ADAMTSL3: variants seen among roughly 807,000 people sequenced by gnomAD.
ADAMTSL3 encodes the protein ADAMTS-like protein 3.
A neutral mutation model predicts 201.7 loss-of-function variants in ADAMTSL3; 128 were observed. That is an observed-to-expected ratio of 0.63 (90% CI 0.55 to 0.73). The LOEUF is 0.73. Ranked by LOEUF, ADAMTSL3 falls within the 30% of genes least tolerant of loss-of-function variation. ADAMTSL3 has a pLI of 0.00. For synonymous variants in ADAMTSL3, 738 were observed against 748.4 expected (o/e 0.99, Z 0.23); for missense variants, 1,990 against 2,119.6 (o/e 0.94, Z 1.20).
Position 83,982,767 on chromosome 15 carries a change from G to A in ADAMTSL3, c.3139G>A (p.Asp1047Asn), listed in dbSNP as rs1043147385. 6 of 1,614,070 alleles carry A rather than the reference G, an allele frequency of 3.7e-6. No homozygotes were observed. Among genetic ancestry groups the A allele is most frequent in the East Asian group, 2.2e-5 (1 of 44,882 alleles). ...TAACAAAAATGACCTTTATCTGGAT[G>A]ATGACCACATTAGTAACCAGCCTTT... ...WNNKNDLYLDDDHISNQPFLR... is the reference protein window; with the variant it reads ...WNNKNDLYLDNDHISNQPFLR... Residue 1047 changes from aspartate (D) to asparagine (N), a missense_variant, in exon 21 of 30, where the codon GAT becomes AAT. Transcript: ENST00000286744.
chr15:83,839,710 A>C (rs2064339030), intron 7 of ADAMTSL3, among the ~76,000 whole-genome samples: 1 of 152,172 alleles, frequency 6.6e-6, no homozygotes, highest in Non-Finnish European at 1.5e-5. Context: ...TGTAGAATGA[A>C]CAGAGTTTGG....
chr15:83,751,012 A>G (rs2062629229), intron 3 of ADAMTSL3, among the ~76,000 whole-genome samples: 1 of 152,320 alleles, frequency 6.6e-6, no homozygotes, highest in East Asian at 1.9e-4. Context: ...TATGTCAGGT[A>G]CAATGCTAAT....
intron 3 of ADAMTSL3, among the ~76,000 whole-genome samples, chr15:83,716,178 T>A (rs912732423): frequency 2.0e-5 from 3 of 152,072 alleles, no homozygotes; most frequent in African/African-American, 7.3e-5. Context: ...TCTAATTAAA[T>A]TTTTATTTCT....
chr15:83,852,240 G>A (rs2064632360), intron 7 of ADAMTSL3, among the ~76,000 whole-genome samples: 1 of 152,022 alleles, frequency 6.6e-6, no homozygotes, highest in African/African-American at 2.4e-5. Context: ...AACCTCCTGA[G>A]TAGCTGGGAT....
At chr15:83,728,821 C>T (rs566339348) in intron 3 of ADAMTSL3, among the ~76,000 whole-genome samples, 4 of 152,056 alleles carry the variant, frequency 2.6e-5, no homozygotes, top group Admixed American at 1.3e-4. Context: ...CTGTGTTTTT[C>T]TGTGTAGCTA....
intron 19 of ADAMTSL3, among the ~76,000 whole-genome samples, chr15:83,969,517 A>G (rs1418073719): frequency 2.0e-5 from 3 of 152,248 alleles, no homozygotes; most frequent in African/African-American, 4.8e-5. Flanking sequence ...ATGGTACTGT[A>G]TATACATACA....
At chr15:83,834,301 A>G (rs925374839) in intron 6 of ADAMTSL3, among the ~76,000 whole-genome samples, 1 of 152,174 alleles carries the variant, frequency 6.6e-6, no homozygotes, top group Non-Finnish European at 1.5e-5. Flanking sequence ...AAAGTTAGTT[A>G]ATGACCACAC....
chr15:83,752,742 A>G lies in ADAMTSL3; in HGVS notation c.190-20781A>G, dbSNP rs560390246. On this transcript the variant is annotated intron_variant, in intron 3 of 29. Coordinates refer to ENST00000286744, the MANE Select transcript of ADAMTSL3 (RefSeq NM_207517.3). ...TGTTAAGAAAACAGATAACAATATA[A>G]CTTAGATGACACAGCTCTGTAGAAG... Among the ~76,000 whole-genome samples, 3 of 152,298 alleles carry G rather than the reference A, an allele frequency of 2.0e-5. No homozygotes were observed. In the South Asian group the frequency reaches 6.2e-4, roughly 32 times the overall value.
In ADAMTSL3 at chr15:84,016,394, C is replaced by A. The variant is rs2068087261; in HGVS notation, c.4168C>A (p.Pro1390Thr). The A allele has an allele frequency of 9.9e-6, 16 of 1,613,222 alleles. No homozygotes were observed. Among genetic ancestry groups the A allele is most frequent in the Middle Eastern group, 1.7e-4 (1 of 6,060 alleles). The change falls in exon 25 of 30, where the codon CCA becomes ACA. Residue 1390 changes from proline (P) to threonine (T), a missense_variant. By Grantham distance (38) the Pro-to-Thr change is conservative. Coordinates refer to ENST00000286744, the MANE Select transcript of ADAMTSL3 (RefSeq NM_207517.3). ...SVLHLLERRW[P>T]ESRIVFLQGH... ...TTTTTTTTCCTCAGAACGAAGATGG[C>A]CAGAGAGTAGAATCGTATTTCTGCA...
intron 7 of ADAMTSL3, among the ~76,000 whole-genome samples, chr15:83,851,629 T>TA (rs1052835625): frequency 3.9e-5 from 6 of 152,060 alleles, no homozygotes; most frequent in South Asian, 2.1e-4. Context: ...ATATGTGTTG[T>TA]AAAAAAAATC....
chr15:83,900,174 A>G (rs1345067365), intron 15 of ADAMTSL3, among the ~76,000 whole-genome samples: 1 of 152,220 alleles, frequency 6.6e-6, no homozygotes, highest in Non-Finnish European at 1.5e-5. Flanking sequence ...TACTAAGAGT[A>G]TTGGAGCTTA....
intron 3 of ADAMTSL3, among the ~76,000 whole-genome samples, chr15:83,756,473 AAAAG>A (rs1289368185): frequency 6.6e-6 from 1 of 152,180 alleles, no homozygotes; most frequent in African/African-American, 2.4e-5. Flanking sequence ...TGAGAACAGC[AAAAG>A]AAAGACTCGC....
At chr15:84,021,822 C>G (rs1239794373) in intron 26 of ADAMTSL3, among the ~76,000 whole-genome samples, 1 of 152,128 alleles carries the variant, frequency 6.6e-6, no homozygotes, top group African/African-American at 2.4e-5. Context: ...GTTATAAGGA[C>G]CAGGATTCAA....
At chr15:83,867,903 CT>C (rs1352618974) in intron 8 of ADAMTSL3, among the ~76,000 whole-genome samples, 2 of 152,128 alleles carry the variant, frequency 1.3e-5, no homozygotes, top group Non-Finnish European at 2.9e-5. Context: ...TTACAAATAA[CT>C]AGTAGTGGAT....
At chr15:83,853,102 G>T (rs918843345) in intron 7 of ADAMTSL3, among the ~76,000 whole-genome samples, 1 of 152,066 alleles carries the variant, frequency 6.6e-6, no homozygotes, top group Non-Finnish European at 1.5e-5. Context: ...TGATCCTCCC[G>T]CCTTAGCTTC....
At chr15:83,683,976 T>C (rs1351142107) in intron 2 of ADAMTSL3, among the ~76,000 whole-genome samples, 1 of 152,236 alleles carries the variant, frequency 6.6e-6, no homozygotes. Context: ...TTTTCTCCCT[T>C]GCATAATAGT....
chr15:83,680,830 G>C (rs919727124), intron 2 of ADAMTSL3, among the ~76,000 whole-genome samples: 1 of 151,672 alleles, frequency 6.6e-6, no homozygotes, highest in Non-Finnish European at 1.5e-5. Flanking sequence ...GTCTTAATAA[G>C]ATATTGTTCA....
At chr15:83,683,774 A>C (rs2061504831) in intron 2 of ADAMTSL3, among the ~76,000 whole-genome samples, 1 of 152,150 alleles carries the variant, frequency 6.6e-6, no homozygotes, top group Non-Finnish European at 1.5e-5. Flanking sequence ...GTAGCGCTCC[A>C]TTCCATGGCC....
intron 5 of ADAMTSL3, 131 bp from the exon 6 acceptor site, chr15:83,819,676 AAAAG>A (rs2063827006): frequency 1.5e-6 from 1 of 646,642 alleles, no homozygotes; most frequent in South Asian, 2.0e-5. Flanking sequence ...AAAAAAAAAA[AAAAG>A]AGGGAATTAG....
Sources: allele counts gnomAD v4.1 joint callset (sites outside exome capture counted in the v4.1 genomes callset), GRCh38; gene constraint gnomAD v4.1.1; transcripts MANE v1.5; gene names NCBI Gene and HGNC (gene_info 2026-07-23, HGNC 2026-07-21).